The following NOX4 variants were observed in gnomAD, a reference collection of about 807,000 sequenced individuals.
The protein encoded by NOX4 is NADPH oxidase 4.
NOX4 carries 69 observed loss-of-function variants against 87.6 expected under a neutral mutation model. The observed-to-expected ratio is 0.79, with a 90% CI of 0.65 to 0.96. The LOEUF (loss-of-function observed/expected upper bound fraction) is 0.96, where lower values mean the gene tolerates loss of function less well. NOX4 is among the 40% of genes least tolerant of loss of function. The probability of loss-of-function intolerance (pLI) is 0.00; values close to 1 mark genes in which losing one functional copy is unlikely to be tolerated. For missense variants in NOX4, 680 were observed against 681.5 expected (o/e 1.00, Z 0.02); for synonymous variants, 275 against 238.2 (o/e 1.15, Z -1.42).
intron 8 of NOX4, among the ~76,000 whole-genome samples, chr11:89,416,472 C>A (rs927087344): frequency 3.9e-5 from 6 of 152,204 alleles, no homozygotes; most frequent in Admixed American, 3.3e-4. Context: ...CAGTCCTTAA[C>A]ACTTCACTAT....
chr11:89,387,446 C>T (rs1472389849), intron 11 of NOX4, among the ~76,000 whole-genome samples: 2 of 152,110 alleles, frequency 1.3e-5, no homozygotes, highest in Non-Finnish European at 2.9e-5. Context: ...CCATCCCTGT[C>T]TCCCTTCACT....
At chr11:89,558,521 C>G in the NOX4 span, among the ~76,000 whole-genome samples, 10 of 152,190 alleles carry the variant, frequency 6.6e-5, no homozygotes, top group Middle Eastern at 3.4e-3. Flanking sequence ...TTAATTAAAG[C>G]CTGGAAGCCA....
At chr11:89,498,442 T>C (rs533937716), upstream of NOX4, among the ~76,000 whole-genome samples, 5 of 152,238 alleles carry the variant, frequency 3.3e-5, no homozygotes, top group African/African-American at 1.2e-4. Context: ...TATTTATAAT[T>C]GCTATAAAGT....
intron 7 of NOX4, 47 bp downstream of exon 7, chr11:89,432,737 A>C: frequency 7.3e-7 from 1 of 1,370,012 alleles, no homozygotes; most frequent in Middle Eastern, 1.8e-4. Flanking sequence ...GACTTTTTCT[A>C]AATAACCTGA....
upstream of NOX4, among the ~76,000 whole-genome samples, chr11:89,494,452 CGTATGTGTGT>C (rs1018580698): frequency 2.0e-5 from 3 of 152,146 alleles, no homozygotes; most frequent in African/African-American, 7.2e-5. Context: ...TTTAATTATA[CGTATGTGTGT>C]GTCTAATTCT....
the NOX4 span, among the ~76,000 whole-genome samples, chr11:89,528,874 T>A: frequency 6.6e-6 from 1 of 152,214 alleles, no homozygotes; most frequent in East Asian, 1.9e-4. Context: ...TCTATCTATC[T>A]TTATCACTAT....
At chr11:89,385,373 C>A (rs570425957) in intron 11 of NOX4, among the ~76,000 whole-genome samples, 4 of 152,248 alleles carry the variant, frequency 2.6e-5, no homozygotes, top group African/African-American at 9.6e-5. Flanking sequence ...GCTAAAAAAG[C>A]AGCTAGCATT....
At position 89,390,444 on chromosome 11, in the gene NOX4, A is replaced by G. The variant is rs572705142; in HGVS notation, c.1074+9573T>C. Among the ~76,000 whole-genome samples the G allele has an allele frequency of 7.9e-5, 12 of 152,348 alleles. No homozygotes were observed. The East Asian group carries it at 1.2e-3, about 15-fold the overall frequency. Reference sequence around the variant, plus strand: ...AATTTTATTTAAAGCCAACTATTGTAACAATTTAAAATATCTATGAGATAG... The same window carrying G: ...AATTTTATTTAAAGCCAACTATTGTGACAATTTAAAATATCTATGAGATAG... On this transcript the variant is annotated intron_variant, in intron 11 of 17. Coordinates refer to ENST00000263317, the MANE Select transcript of NOX4 (RefSeq NM_016931.5).
chr11:89,432,984 A>G, intron 6 of NOX4, 128 bp from the exon 7 acceptor site: 1 of 638,598 alleles, frequency 1.6e-6, no homozygotes, highest in Non-Finnish European at 2.8e-6. Flanking sequence ...CCACATCTAC[A>G]TGTATGTTCT....
At chr11:89,392,221 C>T (rs528937737) in intron 11 of NOX4, among the ~76,000 whole-genome samples, 3 of 151,866 alleles carry the variant, frequency 2.0e-5, no homozygotes, top group Admixed American at 1.3e-4. Flanking sequence ...CTGTACACAC[C>T]CAACCTCTTT....
At chr11:89,572,642 C>A in the NOX4 span, among the ~76,000 whole-genome samples, 2 of 152,128 alleles carry the variant, frequency 1.3e-5, no homozygotes, top group African/African-American at 4.8e-5. Context: ...CTCCACCTCC[C>A]GGGTTCACGC....
intron 2 of NOX4, among the ~76,000 whole-genome samples, chr11:89,474,699 G>A (rs547399023): frequency 5.3e-5 from 8 of 151,890 alleles, no homozygotes; most frequent in Non-Finnish European, 1.0e-4. Context: ...AAATGAAAGC[G>A]ATTCAGGTGG....
chr11:89,540,059 T>C, the NOX4 span, among the ~76,000 whole-genome samples: 1 of 152,182 alleles, frequency 6.6e-6, no homozygotes, highest in Non-Finnish European at 1.5e-5. Flanking sequence ...TCAATTGTCA[T>C]TCTTCTCACT....
At chr11:89,572,615 T>C in the NOX4 span, among the ~76,000 whole-genome samples, 1 of 152,174 alleles carries the variant, frequency 6.6e-6, no homozygotes, top group Non-Finnish European at 1.5e-5. Context: ...AGTGGCACAA[T>C]CTAGGCTCAC....
intron 2 of NOX4, among the ~76,000 whole-genome samples, chr11:89,486,586 ATATGTGTATATATACATATATATG>A (rs1946618137): frequency 3.7e-5 from 5 of 134,274 alleles, no homozygotes; most frequent in African/African-American, 1.7e-4. Flanking sequence ...ATGTGTGTAT[ATATGTGTATATATACATATATATG>A]TGTGTATATA....
chr11:89,382,373 C>T (rs1940352918), intron 11 of NOX4, among the ~76,000 whole-genome samples: 1 of 152,100 alleles, frequency 6.6e-6, no homozygotes, highest in Non-Finnish European at 1.5e-5. Flanking sequence ...ACAATAGTTC[C>T]AAATAGCCAG....
upstream of NOX4, among the ~76,000 whole-genome samples, chr11:89,502,095 G>C (rs551964561): frequency 8.3e-4 from 127 of 152,116 alleles, no homozygotes; most frequent in Admixed American, 2.0e-3. Flanking sequence ...AGCAGTAACT[G>C]AATAAGATTT....
At chr11:89,560,134 C>T in the NOX4 span, among the ~76,000 whole-genome samples, 33 of 152,164 alleles carry the variant, frequency 2.2e-4, no homozygotes, top group African/African-American at 4.8e-4. Flanking sequence ...CACACACACA[C>T]GTACATAAAA....
chr11:89,546,828 C>T, the NOX4 span: 1 of 152,136 alleles, frequency 6.6e-6, no homozygotes, highest in African/African-American at 2.4e-5. Flanking sequence ...ACAGCATTCA[C>T]CCAATTACAA....
Sources: allele counts gnomAD v4.1 joint callset (sites outside exome capture counted in the v4.1 genomes callset), GRCh38; gene constraint gnomAD v4.1.1; transcripts MANE v1.5; gene names NCBI Gene and HGNC (gene_info 2026-07-23, HGNC 2026-07-21).